The following PCDHGB4 variants were observed in gnomAD, a reference collection of about 807,000 sequenced individuals.
The protein encoded by PCDHGB4 is protocadherin gamma-B4.
A neutral mutation model predicts 60.5 loss-of-function variants in PCDHGB4; 38 were observed. The ratio of observed to expected loss-of-function variants is 0.63; its 90% CI spans 0.48 to 0.82. The LOEUF is 0.82. Among genes scored for constraint, PCDHGB4 ranks in the 40% least tolerant of loss-of-function variants. The pLI is 0.00. For synonymous variants in PCDHGB4, 456 were observed against 509.7 expected (o/e 0.89, Z 1.42); for missense variants, 1,109 against 1,209.6 (o/e 0.92, Z 1.23).
chr5:141,419,465 G>T, intron 1 of PCDHGB4: 2 of 1,612,542 alleles, frequency 1.2e-6, no homozygotes, highest in Non-Finnish European at 1.7e-6. Context: ...GCAGGCCCGC[G>T]ACCAGGGCTC....
In PCDHGB4 at chr5:141,398,901, C is replaced by CACCA. The variant is rs763382637; in HGVS notation, c.2397+8621_2397+8624dup. ...GCCTTCGGGAAAACGTGCCACCAGG[C>CACCA]ACCACTGTGTTGCAAGTGTCAGCCA... On this transcript the variant is annotated intron_variant, in intron 1 of 3. Coordinates refer to ENST00000519479, the MANE Select transcript of PCDHGB4 (RefSeq NM_003736.4). 3.7e-6 allele frequency: 6 copies of CACCA among 1,613,954 alleles called. No homozygotes were observed. The South Asian group carries it at 6.6e-5, about 18-fold the overall frequency.
At chr5:141,418,337 C>G (rs1308299122) in intron 1 of PCDHGB4, 1 of 1,613,972 alleles carries the variant, frequency 6.2e-7, no homozygotes, top group East Asian at 2.2e-5. Context: ...TGCAGAAGAT[C>G]CTGATATTAG....
chr5:141,510,621 A>G (rs1317150967), intron 3 of PCDHGB4, among the ~76,000 whole-genome samples: 1 of 152,176 alleles, frequency 6.6e-6, no homozygotes, highest in Non-Finnish European at 1.5e-5. Flanking sequence ...CACTAAAACC[A>G]GAAGAGGTGG....
At chr5:141,404,041 A>G in intron 1 of PCDHGB4, 1 of 1,613,936 alleles carries the variant, frequency 6.2e-7, no homozygotes, top group Non-Finnish European at 8.5e-7. Context: ...CACCTCAGGG[A>G]ACAGTAATTC....
intron 1 of PCDHGB4, among the ~76,000 whole-genome samples, chr5:141,449,594 A>T (rs2098647409): frequency 6.6e-6 from 1 of 150,814 alleles, no homozygotes; most frequent in Non-Finnish European, 1.5e-5. Context: ...GTCTCAAAAA[A>T]AAAAAAAAAA....
rs183952562 is a variant in PCDHGB4 at position 141,423,399 on chromosome 5, C to A, written c.2397+33118C>A. On this transcript the variant is annotated intron_variant, in intron 1 of 3. Transcript: ENST00000519479. ...GGCTGTGGCGCTGGCATAAGTCACG[C>A]CTGCTGCAGGCTTCTGAAGGCGGGT... 3.5e-5 allele frequency: 56 copies of A among 1,614,150 alleles called. No homozygotes were observed. The East Asian group carries it at 1.1e-3, about 33-fold the overall frequency.
chr5:141,488,170 T>C (rs554585709), intron 1 of PCDHGB4, among the ~76,000 whole-genome samples: 2 of 152,318 alleles, frequency 1.3e-5, no homozygotes, highest in African/African-American at 2.4e-5. Context: ...ATCAGAGTGG[T>C]GGCATAGATC....
At chr5:141,423,669 T>C in intron 1 of PCDHGB4, 1 of 1,554,480 alleles carries the variant, frequency 6.4e-7, no homozygotes, top group Non-Finnish European at 8.7e-7. Flanking sequence ...AGGTGAGATT[T>C]ATTTCTCTGC....
intron 1 of PCDHGB4, chr5:141,479,399 T>C (rs2099494765): frequency 6.6e-6 from 1 of 152,576 alleles, no homozygotes; most frequent in African/African-American, 2.4e-5. Flanking sequence ...AGTTCTGGGC[T>C]GTGGTGCACT....
intron 1 of PCDHGB4, chr5:141,420,076 T>C (rs764381539): frequency 3.3e-5 from 53 of 1,613,956 alleles, no homozygotes; most frequent in Non-Finnish European, 4.5e-5. Context: ...GACCTGTGGG[T>C]CCCCCCAACT....
At position 141,491,597 on chromosome 5, in the gene PCDHGB4, A is replaced by T. The variant is rs1389838814; in HGVS notation, c.2398-3210A>T. Reference sequence around the variant, plus strand: ...TTTTCACCGGCCTCGGACGGCAGTGACTTCACTTTTCTAAGACCCCTCAGC... The same window carrying T: ...TTTTCACCGGCCTCGGACGGCAGTGTCTTCACTTTTCTAAGACCCCTCAGC... On this transcript the variant is annotated intron_variant, in intron 1 of 3. Coordinates refer to ENST00000519479, the MANE Select transcript of PCDHGB4 (RefSeq NM_003736.4). This position sits in a 1 kb window ranked among gnomAD's most constrained non-coding sequence, Gnocchi z 6.9. 1.2e-6 allele frequency: 2 copies of T among 1,613,788 alleles called. No individual in the cohort carries two copies. The highest frequency in any genetic ancestry group is 1.7e-6 in the Non-Finnish European group (2 of 1,180,012).
At chr5:141,415,701 T>C in intron 1 of PCDHGB4, 2 of 1,506,520 alleles carry the variant, frequency 1.3e-6, no homozygotes, top group Non-Finnish European at 1.8e-6. Context: ...AAAGTGTAAA[T>C]GCTAAAACAC....
chr5:141,426,754 T>C, intron 1 of PCDHGB4: 1 of 456,314 alleles, frequency 2.2e-6, no homozygotes, highest in Non-Finnish European at 4.4e-6. Context: ...GAATCTGCTA[T>C]AGATGCAGAT....
chr5:141,389,765 G>C lies in PCDHGB4; in HGVS notation c.1881G>C (p.Ala627=). ...LGLRTGEVRT[A]RALGDRDAVR... ...TGCGCACGGGCGAAGTGCGCACAGCGCGTGCCTTAGGCGACAGGGACGCCG... is the reference window on the plus strand; with the variant it reads ...TGCGCACGGGCGAAGTGCGCACAGCCCGTGCCTTAGGCGACAGGGACGCCG... Residue 627 remains alanine, a synonymous_variant, in exon 1 of 4, where the codon GCG becomes GCC. Transcript: ENST00000519479. 6.2e-7 allele frequency: 1 copy of C among 1,612,992 alleles called. No homozygotes were observed. Among genetic ancestry groups the C allele is most frequent in the Non-Finnish European group, 8.5e-7 (1 of 1,179,720 alleles).
At chr5:141,403,749 C>A in intron 1 of PCDHGB4, 1 of 1,613,652 alleles carries the variant, frequency 6.2e-7, no homozygotes, top group African/African-American at 1.3e-5. Context: ...ACTGCAACAG[C>A]CAGCGACCTG....
chr5:141,456,715 A>G (rs2098881350), intron 1 of PCDHGB4, among the ~76,000 whole-genome samples: 1 of 152,204 alleles, frequency 6.6e-6, no homozygotes, highest in South Asian at 2.1e-4. Flanking sequence ...CTGTAATCCC[A>G]GCACTTTGGG....
intron 1 of PCDHGB4, chr5:141,426,170 T>G (rs2096918811): frequency 6.4e-6 from 1 of 155,200 alleles, no homozygotes. Flanking sequence ...CCATACGGAT[T>G]GGGGTGCCCT....
At chr5:141,402,514 AAT>A (rs1200847622) in intron 1 of PCDHGB4, among the ~76,000 whole-genome samples, 1 of 152,218 alleles carries the variant, frequency 6.6e-6, no homozygotes, top group East Asian at 1.9e-4. Flanking sequence ...AATATTAAGC[AAT>A]GGTTTGTGAT....
intron 1 of PCDHGB4, among the ~76,000 whole-genome samples, chr5:141,472,611 G>T (rs1055885253): frequency 1.3e-5 from 2 of 151,938 alleles, no homozygotes; most frequent in South Asian, 4.1e-4. Context: ...ATAAAACAAA[G>T]AAGAAAAAAG....
Sources: gnomAD v4.1 joint callset for allele counts (sites outside exome capture counted in the v4.1 genomes callset) on GRCh38, gnomAD v4.1.1 for gene constraint, Gnocchi (gnomAD v3.1) non-coding constraint, MANE v1.5 for transcripts, NCBI Gene and HGNC (gene_info 2026-07-23, HGNC 2026-07-21) for gene names.